NRG1: variants seen among roughly 807,000 people sequenced by gnomAD.
The protein encoded by NRG1 is pro-neuregulin-1, membrane-bound isoform.
In NRG1, 18 loss-of-function variants were observed where a neutral mutation model predicts 63.8. That is an observed-to-expected ratio of 0.28 (90% CI 0.19 to 0.42). The LOEUF is 0.42. NRG1 is among the 10% of genes least tolerant of loss of function. The pLI is 1.00. For missense variants in NRG1, 762 were observed against 814.7 expected, an observed-to-expected ratio of 0.94 and a Z score of 0.79; for synonymous variants, 302 against 301.3, an observed-to-expected ratio of 1.00 and a Z score of -0.02.
intron 1 of NRG1, chr8:32,441,496 G>A (rs1008795957): frequency 5.9e-5 from 9 of 152,094 alleles, no homozygotes; most frequent in African/African-American, 1.9e-4. Context: ...GTGCATGCCT[G>A]TAGTCCTAGC....
At chr8:32,487,747 G>T (rs1280679286) in intron 1 of NRG1, among the ~76,000 whole-genome samples, 1 of 152,154 alleles carries the variant, frequency 6.6e-6, no homozygotes, top group Non-Finnish European at 1.5e-5. Context: ...GGTTTCTGTG[G>T]ATCAGAAGCA....
At chr8:32,008,646 C>T (rs1225651913) in intron 1 of NRG1, among the ~76,000 whole-genome samples, 1 of 151,962 alleles carries the variant, frequency 6.6e-6, no homozygotes, top group Non-Finnish European at 1.5e-5. Flanking sequence ...ACAGAAGTGA[C>T]ATTTTTATTT....
At chr8:31,639,409 C>G in exon 1 of NRG1, 1 of 1,534,850 alleles carries the variant, frequency 6.5e-7, no homozygotes, top group Non-Finnish European at 8.7e-7. Context: ...GGAAAGGACG[C>G]GCGGGCCGAG....
chr8:31,959,162 C>G (rs1009055561), intron 1 of NRG1, among the ~76,000 whole-genome samples: 1 of 152,212 alleles, frequency 6.6e-6, no homozygotes, highest in African/African-American at 2.4e-5. Context: ...TTTTACTACT[C>G]TAACAATTTC....
chr8:32,006,064 C>T (rs573162624), intron 1 of NRG1, among the ~76,000 whole-genome samples: 35 of 151,972 alleles, frequency 2.3e-4, no homozygotes, highest in Middle Eastern at 3.4e-3. Context: ...TAGGGAGTTT[C>T]GAGGCATTAT....
intron 1 of NRG1, among the ~76,000 whole-genome samples, chr8:31,752,747 A>G (rs1468436649): frequency 6.6e-6 from 1 of 152,004 alleles, no homozygotes; most frequent in East Asian, 1.9e-4. Flanking sequence ...CAAGGAACAG[A>G]GGTGAATAGG....
At chr8:32,273,644 C>A (rs1298830923) in intron 1 of NRG1, among the ~76,000 whole-genome samples, 1 of 152,104 alleles carries the variant, frequency 6.6e-6, no homozygotes, top group Non-Finnish European at 1.5e-5. Flanking sequence ...TTTTTAAGCA[C>A]CATCTTGAAA....
chr8:32,559,082 C>CG (rs1374810458), intron 1 of NRG1, among the ~76,000 whole-genome samples: 3 of 17,798 alleles, frequency 1.7e-4, no homozygotes, highest in African/African-American at 2.9e-4. Context: ...CTTGTCTCAG[C>CG]GAAAAAAAAA....
intron 1 of NRG1, among the ~76,000 whole-genome samples, chr8:32,324,240 A>G (rs144080780): frequency 6.6e-6 from 1 of 152,202 alleles, no homozygotes; most frequent in African/African-American, 2.4e-5. Flanking sequence ...AAACTCAAAC[A>G]GTCTGCTCTT....
intron 5 of NRG1, among the ~76,000 whole-genome samples, chr8:32,629,085 A>G (rs1011967715): frequency 2.6e-5 from 4 of 152,194 alleles, no homozygotes; most frequent in Non-Finnish European, 5.9e-5. Flanking sequence ...TTTTGGGTAA[A>G]TAGTGCACAT....
chr8:32,463,731 C>T lies in NRG1; in HGVS notation c.38-132097C>T, dbSNP rs1331631793. Among the ~76,000 whole-genome samples, 3 of 151,796 alleles carry T rather than the reference C, an allele frequency of 2.0e-5. No homozygotes were observed. The East Asian group carries it at 5.8e-4, about 30-fold the overall frequency. On this transcript the variant is annotated intron_variant, in intron 1 of 10. Coordinates refer to the NRG1 transcript ENST00000519301. Reference sequence around the variant, plus strand: ...TGGCACATGCCTGTAGTCCCAGCTACTCAGGAGGCTGAGGTGTAAGGATCA... The same window carrying T: ...TGGCACATGCCTGTAGTCCCAGCTATTCAGGAGGCTGAGGTGTAAGGATCA...
At chr8:32,292,402 A>G (rs957774558) in intron 1 of NRG1, among the ~76,000 whole-genome samples, 3 of 152,222 alleles carry the variant, frequency 2.0e-5, no homozygotes, top group Non-Finnish European at 4.4e-5. Flanking sequence ...AGAAAACCAT[A>G]TGTGATAGAT....
At chr8:32,468,237 C>T (rs1027222015) in intron 1 of NRG1, among the ~76,000 whole-genome samples, 12 of 152,190 alleles carry the variant, frequency 7.9e-5, no homozygotes, top group African/African-American at 2.9e-4. Flanking sequence ...AGAATAATTA[C>T]AGTCCAGCTT....
At chr8:32,290,335 A>G (rs1360477755) in intron 1 of NRG1, among the ~76,000 whole-genome samples, 1 of 152,070 alleles carries the variant, frequency 6.6e-6, no homozygotes. Flanking sequence ...ATAATTATGT[A>G]TACAATTATA....
chr8:31,653,201 C>A (rs904873150), intron 1 of NRG1, among the ~76,000 whole-genome samples: 1 of 151,768 alleles, frequency 6.6e-6, no homozygotes, highest in Non-Finnish European at 1.5e-5. Flanking sequence ...ATAATGAATG[C>A]ACATTACTTT....
intron 1 of NRG1, among the ~76,000 whole-genome samples, chr8:31,975,537 A>G (rs992826262): frequency 2.6e-5 from 4 of 152,228 alleles, no homozygotes; most frequent in Non-Finnish European, 5.9e-5. Context: ...GGAGTACTGC[A>G]TACCACTGTG....
intron 1 of NRG1, among the ~76,000 whole-genome samples, chr8:31,691,501 G>A (rs1401153684): frequency 2.7e-5 from 4 of 146,258 alleles, no homozygotes; most frequent in African/African-American, 4.9e-5. Flanking sequence ...AGGCTGAGGC[G>A]GGAGAACGGC....
At position 31,778,726 on chromosome 8, in the gene NRG1, C is replaced by T. The variant is rs367765367; in HGVS notation, c.37+139295C>T. Among the ~76,000 whole-genome samples, 12 of 152,284 alleles carry T rather than the reference C, an allele frequency of 7.9e-5. 1 individual carries two copies. The highest frequency in any genetic ancestry group is 2.9e-4 in the African/African-American group (12 of 41,548). On this transcript the variant is annotated intron_variant, in intron 1 of 10. Coordinates refer to the NRG1 transcript ENST00000519301. ...TTAATCCATTTAATCCTCTCCATGA[C>T]CTAAAGCACTGCTATGCTGAAGTGC... is the stretch of plus-strand genomic sequence containing the variant.
rs1163984002 is a variant in NRG1 at position 31,774,184 on chromosome 8, C to T, written c.37+134753C>T. Among the ~76,000 whole-genome samples, 6 of 152,096 alleles carry T rather than the reference C, an allele frequency of 3.9e-5. No individual in the cohort carries two copies. The East Asian group carries it at 1.2e-3, about 30-fold the overall frequency. On this transcript the variant is annotated intron_variant, in intron 1 of 10. Coordinates refer to the NRG1 transcript ENST00000519301. ...GGTTTTTACTTTTCTTTGGATCTTC[C>T]TCAGGGCCTTTGCACTTGTGGTTGC...
Sources: gnomAD v4.1 joint callset for allele counts (sites outside exome capture counted in the v4.1 genomes callset) on GRCh38, gnomAD v4.1.1 for gene constraint, MANE v1.5 for transcripts, NCBI Gene and HGNC (gene_info 2026-07-23, HGNC 2026-07-21) for gene names.